The following TRAPPC10 variants were observed in gnomAD, a reference collection of about 807,000 sequenced individuals.
TRAPPC10 encodes trafficking protein particle complex subunit 10, also known as TRAPP 130 kDa subunit.
A neutral mutation model predicts 125.5 loss-of-function variants in TRAPPC10; 23 were observed. That is an observed-to-expected ratio of 0.18 (90% CI 0.13 to 0.26). TRAPPC10 has a LOEUF of 0.26. Ranked by LOEUF, TRAPPC10 falls within the 10% of genes least tolerant of loss-of-function variation. TRAPPC10 has a pLI of 1.00. For missense variants in TRAPPC10, 1,123 were observed against 1,308.4 expected (o/e 0.86, Z 2.19); for synonymous variants, 509 against 518.0 (o/e 0.98, Z 0.24).
intron 7 of TRAPPC10, among the ~76,000 whole-genome samples, chr21:44,065,707 A>T (rs2276532): frequency 0.09 from 13,756 of 152,178 alleles, 836 homozygotes; most frequent in South Asian, 0.25. Context: ...CAGGCCAGAG[A>T]GGACAGCCTC....
At chr21:44,076,457 G>A in intron 9 of TRAPPC10, 95 bp from the exon 10 acceptor site, 1 of 917,216 alleles carries the variant, frequency 1.1e-6, no homozygotes, top group Non-Finnish European at 1.8e-6. Flanking sequence ...AGAGTCAGAT[G>A]AGGTCATCTA....
intron 19 of TRAPPC10, among the ~76,000 whole-genome samples, chr21:44,093,659 G>A (rs1488490654): frequency 6.6e-6 from 1 of 151,808 alleles, no homozygotes; most frequent in African/African-American, 2.4e-5. Flanking sequence ...TCGGGAGGCT[G>A]ATGCGGAAGA....
At chr21:44,092,097 A>G (rs2038625137) in intron 19 of TRAPPC10, 48 bp downstream of exon 19, 4 of 1,606,272 alleles carry the variant, frequency 2.5e-6, no homozygotes, top group Non-Finnish European at 2.6e-6. Context: ...AGAGAACCAG[A>G]GTGTACGGAA....
At chr21:44,066,090 G>A (rs1045320610) in intron 7 of TRAPPC10, among the ~76,000 whole-genome samples, 1 of 152,292 alleles carries the variant, frequency 6.6e-6, no homozygotes, top group East Asian at 1.9e-4. Flanking sequence ...TTGAGCAGAG[G>A]CCAGGGGGTA....
chr21:44,040,036 A>G (rs900958920), intron 3 of TRAPPC10, among the ~76,000 whole-genome samples: 1 of 152,226 alleles, frequency 6.6e-6, no homozygotes, highest in African/African-American at 2.4e-5. Context: ...CCTGCGCCAC[A>G]ACTAGGAGCA....
intron 12 of TRAPPC10, 92 bp downstream of exon 12, chr21:44,079,796 T>G: frequency 7.1e-7 from 1 of 1,400,278 alleles, no homozygotes; most frequent in Non-Finnish European, 9.8e-7. Flanking sequence ...CACCTATTAT[T>G]AAGGAGAGAA....
intron 1 of TRAPPC10, among the ~76,000 whole-genome samples, chr21:44,022,910 TC>T (rs2032681131): frequency 6.6e-6 from 1 of 152,102 alleles, no homozygotes; most frequent in Non-Finnish European, 1.5e-5. Flanking sequence ...TTGCTGTTCT[TC>T]CAGCAGGTGC....
intron 7 of TRAPPC10, among the ~76,000 whole-genome samples, chr21:44,064,124 A>T (rs376061497): frequency 3.3e-5 from 5 of 152,254 alleles, no homozygotes; most frequent in Admixed American, 2.0e-4. Context: ...GCAGAGCTAG[A>T]TTTTGCATGT....
Position 44,083,320 on chromosome 21 carries a change from GA to G in TRAPPC10, c.2238+20del. ...GGACTCAGGTATGCGTTCAGGGTGG[GA>G]ACTTGACTTTCAAGTTTGTAAAGCA... On this transcript the variant is annotated intron_variant, in intron 14 of 22. Transcript: ENST00000291574. 6.2e-7 allele frequency: 1 copy of G among 1,603,058 alleles called. No individual in the cohort carries two copies. The highest frequency in any genetic ancestry group is 8.5e-7 in the Non-Finnish European group (1 of 1,173,558).
intron 1 of TRAPPC10, among the ~76,000 whole-genome samples, chr21:44,014,476 G>T (rs1046330603): frequency 2.0e-5 from 3 of 151,750 alleles, no homozygotes; most frequent in African/African-American, 7.3e-5. Context: ...CATGATCTTG[G>T]CTCACTGCAA....
In TRAPPC10 at chr21:44,040,591, A is replaced by G. The variant is rs569120890; in HGVS notation, c.285+2664A>G. On this transcript the variant is annotated intron_variant, in intron 3 of 22. Coordinates refer to ENST00000291574, the MANE Select transcript of TRAPPC10 (RefSeq NM_003274.5). Reference sequence around the variant, plus strand: ...AGGTTCAAGGGATCCACCTGCCTCCACCTCCCAAAGTTCTGGGATTACAGG... The same window carrying G: ...AGGTTCAAGGGATCCACCTGCCTCCGCCTCCCAAAGTTCTGGGATTACAGG... Among the ~76,000 whole-genome samples, 16 of 151,554 alleles carry G rather than the reference A, an allele frequency of 1.1e-4. No homozygotes were observed. In the East Asian group the frequency reaches 2.1e-3, roughly 20 times the overall value.
At chr21:44,052,498 C>T (rs1287543043) in intron 4 of TRAPPC10, 22 bp downstream of exon 4, 2 of 1,575,784 alleles carry the variant, frequency 1.3e-6, no homozygotes, top group African/African-American at 1.4e-5. Context: ...TTTAATTTTA[C>T]CTCATTTGGT....
intron 7 of TRAPPC10, among the ~76,000 whole-genome samples, chr21:44,066,466 G>A (rs1031231520): frequency 2.6e-5 from 4 of 152,220 alleles, no homozygotes; most frequent in African/African-American, 9.6e-5. Context: ...CACCCGTGAA[G>A]TGAGGCCAGT....
intron 4 of TRAPPC10, among the ~76,000 whole-genome samples, chr21:44,054,654 G>T (rs78037047): frequency 6.6e-5 from 10 of 152,158 alleles, no homozygotes; most frequent in African/African-American, 2.4e-4. Context: ...GTGTAATTTC[G>T]TGTGTTTGAC....
At chr21:44,076,357 C>T (rs190392931) in intron 9 of TRAPPC10, among the ~76,000 whole-genome samples, 195 bp from the exon 10 acceptor site, 3 of 152,232 alleles carry the variant, frequency 2.0e-5, no homozygotes. Flanking sequence ...TGACACAAAG[C>T]GTTTTGACTA....
intron 3 of TRAPPC10, among the ~76,000 whole-genome samples, chr21:44,043,260 C>T (rs765347644): frequency 2.2e-5 from 3 of 134,340 alleles, no homozygotes; most frequent in Non-Finnish European, 4.5e-5. Context: ...GTTGCCCAGG[C>T]TGGAGTGCAG....
intron 4 of TRAPPC10, among the ~76,000 whole-genome samples, chr21:44,053,366 T>C (rs1357851874): frequency 1.3e-5 from 2 of 152,244 alleles, no homozygotes; most frequent in Non-Finnish European, 2.9e-5. Context: ...CTTGTTTTTT[T>C]CACTCAATAT....
At chr21:44,072,342 C>G (rs570936797) in intron 7 of TRAPPC10, among the ~76,000 whole-genome samples, 12 of 152,352 alleles carry the variant, frequency 7.9e-5, no homozygotes, top group Non-Finnish European at 1.8e-4. Flanking sequence ...CATCCAGCGT[C>G]CTCTGCCGCG....
At chr21:44,031,701 T>C (rs1284799298) in intron 1 of TRAPPC10, among the ~76,000 whole-genome samples, 1 of 152,174 alleles carries the variant, frequency 6.6e-6, no homozygotes, top group African/African-American at 2.4e-5. Context: ...TTTGGTGAAG[T>C]TTTGGTTTCT....
Sources: allele counts gnomAD v4.1 joint callset (sites outside exome capture counted in the v4.1 genomes callset), GRCh38; gene constraint gnomAD v4.1.1; transcripts MANE v1.5; gene names NCBI Gene and HGNC (gene_info 2026-07-23, HGNC 2026-07-21).